The following RBFOX1 variants were observed in gnomAD, a reference collection of about 807,000 sequenced individuals.
RBFOX1 encodes the protein RNA binding protein fox-1 homolog 1.
A neutral mutation model predicts 57.7 loss-of-function variants in RBFOX1; 8 were observed. That is an observed-to-expected ratio of 0.14 (90% confidence interval 0.08 to 0.25). RBFOX1 has a LOEUF of 0.25. Ranked by LOEUF, RBFOX1 falls within the 10% of genes least tolerant of loss-of-function variation. The pLI, the probability that RBFOX1 is intolerant of heterozygous loss-of-function variation, is 1.00. For missense variants in RBFOX1, 611 were observed against 548.5 expected (o/e 1.11, Z -1.14); for synonymous variants, 326 against 222.4 (o/e 1.47, Z -4.15).
chr16:5,631,225 A>G (rs1329600837), intron 3 of RBFOX1, among the ~76,000 whole-genome samples: 2 of 152,222 alleles, frequency 1.3e-5, no homozygotes, highest in Non-Finnish European at 2.9e-5. Context: ...GTTACTGGTC[A>G]GGGTCTTAGA....
chr16:6,034,731 T>C (rs1281827784), intron 1 of RBFOX1, among the ~76,000 whole-genome samples: 1 of 152,172 alleles, frequency 6.6e-6, no homozygotes, highest in Non-Finnish European at 1.5e-5. Flanking sequence ...GCTAACACTT[T>C]CCATCTGCCA....
chr16:6,931,576 C>T (rs12448143), intron 3 of RBFOX1, among the ~76,000 whole-genome samples: 19,934 of 152,100 alleles, frequency 0.13, 1,359 homozygotes, highest in East Asian at 0.23. Flanking sequence ...ACTCTTGCCA[C>T]CCTACAATGG....
intron 2 of RBFOX1, among the ~76,000 whole-genome samples, chr16:6,369,781 T>C (rs1231549427): frequency 2.0e-5 from 3 of 152,200 alleles, no homozygotes; most frequent in African/African-American, 7.2e-5. Context: ...TGTTGCCTGG[T>C]TAACTTTGAA....
chr16:5,604,002 T>A (rs565837225), downstream of RBFOX1, among the ~76,000 whole-genome samples: 13 of 152,238 alleles, frequency 8.5e-5, no homozygotes, highest in South Asian at 2.7e-3. Context: ...AAGGCAGACA[T>A]TAGTAATCAA....
chr16:6,623,293 C>T (rs913278585), intron 2 of RBFOX1, among the ~76,000 whole-genome samples: 1 of 152,122 alleles, frequency 6.6e-6, no homozygotes. Flanking sequence ...TGCAGTTGGG[C>T]TTAGCTGTTT....
chr16:6,143,802 T>G (rs904606419), intron 1 of RBFOX1, among the ~76,000 whole-genome samples: 4 of 151,948 alleles, frequency 2.6e-5, no homozygotes, highest in African/African-American at 9.7e-5. Flanking sequence ...TGTTTGTTGG[T>G]TTTGTTTTTT....
chr16:5,731,709 A>G (rs8060283), intron 3 of RBFOX1, among the ~76,000 whole-genome samples: 27,689 of 152,186 alleles, frequency 0.18, 7,473 homozygotes, highest in African/African-American at 0.59. Flanking sequence ...GGACATTTGT[A>G]ATGGCAAATG....
intron 4 of RBFOX1, among the ~76,000 whole-genome samples, chr16:7,281,105 C>A (rs1603482520): frequency 6.6e-6 from 1 of 151,648 alleles, no homozygotes; most frequent in African/African-American, 2.4e-5. Context: ...TGGGTTCAAG[C>A]AACTCTCCTG....
intron 2 of RBFOX1, among the ~76,000 whole-genome samples, chr16:6,359,233 C>T (rs1037964551): frequency 4.6e-5 from 7 of 152,062 alleles, no homozygotes; most frequent in South Asian, 2.1e-4. Flanking sequence ...GCTGGGATGA[C>T]GGGTGTGTAC....
At chr16:6,512,900 G>C (rs2096283055) in intron 2 of RBFOX1, among the ~76,000 whole-genome samples, 1 of 152,210 alleles carries the variant, frequency 6.6e-6, no homozygotes, top group Non-Finnish European at 1.5e-5. Context: ...TAACTAGAGA[G>C]AATGTCAACT....
rs192643053 is a variant in RBFOX1 at position 7,038,179 on chromosome 16, A to G, written c.-15-13878A>G. 1.5e-3 allele frequency among the ~76,000 whole-genome samples: 218 copies of G among 150,030 alleles called. 2 individuals are homozygous for G. In the South Asian group the frequency reaches 0.018, roughly 12 times the overall value. ...TCATTCTACACAGAGTTTCCTGGCT[A>G]TAGGGTAACGATGGTCCCAGGAGAC... On this transcript the variant is annotated intron_variant, in intron 3 of 15. Transcript: ENST00000550418.
chr16:6,995,289 CTTGT>C (rs2092083215), intron 3 of RBFOX1, among the ~76,000 whole-genome samples: 1 of 62,116 alleles, frequency 1.6e-5, no homozygotes, highest in African/African-American at 6.2e-5. Context: ...TGAAAGTAGC[CTTGT>C]GTGTGTGTGT....
chr16:6,701,717 G>C (rs2061884227), intron 3 of RBFOX1, among the ~76,000 whole-genome samples: 1 of 152,150 alleles, frequency 6.6e-6, no homozygotes, highest in Admixed American at 6.5e-5. Flanking sequence ...CCCATCAGCA[G>C]TAGACTGGAT....
intron 1 of RBFOX1, among the ~76,000 whole-genome samples, chr16:6,159,544 G>A (rs112617765): frequency 6.6e-6 from 1 of 152,162 alleles, no homozygotes; most frequent in South Asian, 2.1e-4. Context: ...ACAGCACAGG[G>A]TCTGCCCTAA....
intron 2 of RBFOX1, among the ~76,000 whole-genome samples, chr16:5,565,823 C>T (rs916815273): frequency 2.0e-5 from 3 of 151,916 alleles, no homozygotes; most frequent in Non-Finnish European, 4.4e-5. Flanking sequence ...AAGAGAGGCT[C>T]CTAAGGGTAG....
rs554246659 is a variant in RBFOX1 at position 7,307,990 on chromosome 16, C to G, written c.28-210157C>G. 3.8e-4 allele frequency among the ~76,000 whole-genome samples: 58 copies of G among 152,314 alleles called. 2 individuals carry two copies. The South Asian group carries it at 0.012, about 31-fold the overall frequency. On this transcript the variant is annotated intron_variant, in intron 4 of 15. Transcript: ENST00000550418. ...AATCTTCCACGTTCCAAAGTAAGTA[C>G]TCATGGAACCATTCTTGCTTTGAGG...
rs980867577 is a variant in RBFOX1, at chr16:7,711,459, C to A, written c.*714C>A. On this transcript the variant is annotated 3_prime_UTR_variant, in exon 16 of 16. Coordinates refer to ENST00000550418, the MANE Select transcript of RBFOX1 (RefSeq NM_018723.4). ...ACCAGTCGCTATTTAGGAAAAAAAA[C>A]CCACTAGTTAGGCCATCAACAAGCA... 16 of 152,438 alleles carry A rather than the reference C, an allele frequency of 1.0e-4. No individual in the cohort carries two copies. Among genetic ancestry groups the A allele is most frequent in the African/African-American group, 3.4e-4 (14 of 41,374 alleles). The allele number at this position is 152,438 out of a possible 1,614,324, so 9.4% of individuals were successfully genotyped here.
At chr16:6,946,066 C>T (rs1215011452) in intron 3 of RBFOX1, among the ~76,000 whole-genome samples, 2 of 152,162 alleles carry the variant, frequency 1.3e-5, no homozygotes, top group Non-Finnish European at 2.9e-5. Flanking sequence ...ATTAAAGCAC[C>T]CTTTCCCCAG....
intron 4 of RBFOX1, among the ~76,000 whole-genome samples, chr16:7,415,420 A>C (rs1473021554): frequency 6.6e-6 from 1 of 152,180 alleles, no homozygotes; most frequent in East Asian, 1.9e-4. Flanking sequence ...GATGAACTTC[A>C]AGCTCATGTA....
Sources: allele counts gnomAD v4.1 joint callset (sites outside exome capture counted in the v4.1 genomes callset), GRCh38; gene constraint gnomAD v4.1.1; transcripts MANE v1.5; gene names NCBI Gene and HGNC (gene_info 2026-07-23, HGNC 2026-07-21).